Variants in GLIS3 observed in about 807,000 individuals in gnomAD.
The protein encoded by GLIS3 is zinc finger protein GLIS3.
GLIS3 carries 53 observed loss-of-function variants against 78.6 expected under a neutral mutation model. That is an observed-to-expected ratio of 0.67 (90% CI 0.54 to 0.85). The LOEUF (loss-of-function observed/expected upper bound fraction) is 0.85. GLIS3 is among the 40% of genes least tolerant of loss of function. The probability of loss-of-function intolerance (pLI) is 0.00; values close to 1 mark genes in which losing one functional copy is unlikely to be tolerated. For synonymous variants in GLIS3, 684 were observed against 509.9 expected (o/e 1.34, Z -4.60); for missense variants, 1,703 against 1,231.1 (o/e 1.38, Z -5.74).
the GLIS3 span, among the ~76,000 whole-genome samples, chr9:4,436,810 C>CAAAAAAAA: frequency 1.9e-5 from 1 of 53,574 alleles, no homozygotes; most frequent in Admixed American, 2.8e-4. Context: ...GACTGCATCT[C>CAAAAAAAA]AAAAAAAAAA....
At chr9:4,476,023 A>T in the GLIS3 span, among the ~76,000 whole-genome samples, 1 of 152,190 alleles carries the variant, frequency 6.6e-6, no homozygotes. Flanking sequence ...TGCTGGAATT[A>T]CAGATGTGAG....
chr9:4,126,117 G>A (rs1234608757), intron 2 of GLIS3, among the ~76,000 whole-genome samples, 176 bp from the exon 3 acceptor site: 3 of 151,818 alleles, frequency 2.0e-5, no homozygotes. Context: ...AAGCCATAAC[G>A]CTATAATAGA....
At chr9:4,302,496 A>C (rs1817116017), upstream of GLIS3, among the ~76,000 whole-genome samples, 2 of 152,344 alleles carry the variant, frequency 1.3e-5, no homozygotes, top group South Asian at 4.1e-4. Flanking sequence ...ATATTACAGA[A>C]AACTTTTTGC....
At chr9:4,038,651 G>C (rs530500076) in intron 4 of GLIS3, among the ~76,000 whole-genome samples, 1 of 152,204 alleles carries the variant, frequency 6.6e-6, no homozygotes, top group African/African-American at 2.4e-5. Flanking sequence ...CACTGTGCTA[G>C]CATGTTATAA....
chr9:3,918,456 G>C (rs1824662531), intron 6 of GLIS3, among the ~76,000 whole-genome samples: 2 of 152,168 alleles, frequency 1.3e-5, no homozygotes, highest in African/African-American at 2.4e-5. Context: ...AGTTCCCTAA[G>C]CTCAGAATTT....
At chr9:4,090,917 C>A (rs1829443447) in intron 4 of GLIS3, among the ~76,000 whole-genome samples, 1 of 152,182 alleles carries the variant, frequency 6.6e-6, no homozygotes, top group South Asian at 2.1e-4. Flanking sequence ...GTTCTAGAAT[C>A]TGACTGCAAA....
the GLIS3 span, among the ~76,000 whole-genome samples, chr9:4,358,797 G>GTT: frequency 6.6e-6 from 1 of 152,142 alleles, no homozygotes; most frequent in Non-Finnish European, 1.5e-5. Context: ...TAACCTATAT[G>GTT]GTAAGCAGAT....
At chr9:4,243,674 T>A (rs901775762) in intron 2 of GLIS3, among the ~76,000 whole-genome samples, 4 of 152,234 alleles carry the variant, frequency 2.6e-5, no homozygotes, top group Non-Finnish European at 4.4e-5. Context: ...AGAACATCAT[T>A]GTGGATCACT....
chr9:4,180,800 G>C (rs1054284270), intron 2 of GLIS3, among the ~76,000 whole-genome samples: 1 of 152,096 alleles, frequency 6.6e-6, no homozygotes, highest in South Asian at 2.1e-4. Context: ...GAGGAGCGGC[G>C]GTGTAGCAGA....
chr9:4,443,950 AC>A, the GLIS3 span, among the ~76,000 whole-genome samples: 3 of 152,190 alleles, frequency 2.0e-5, no homozygotes, highest in African/African-American at 7.2e-5. Context: ...CCTGGTGTAG[AC>A]AGGTTATATC....
At chr9:4,473,814 A>G in the GLIS3 span, among the ~76,000 whole-genome samples, 1 of 152,322 alleles carries the variant, frequency 6.6e-6, no homozygotes, top group East Asian at 1.9e-4. Context: ...AAAAATTTTT[A>G]AAGATGCTAT....
chr9:4,404,319 C>A, the GLIS3 span, among the ~76,000 whole-genome samples: 2 of 152,270 alleles, frequency 1.3e-5, no homozygotes, highest in Non-Finnish European at 2.9e-5. Flanking sequence ...ATCTGCCAGA[C>A]AGGAAATCAA....
At chr9:4,031,959 T>C (rs957834180) in intron 4 of GLIS3, among the ~76,000 whole-genome samples, 2 of 152,168 alleles carry the variant, frequency 1.3e-5, no homozygotes, top group Non-Finnish European at 2.9e-5. Flanking sequence ...ACCTAGCAGA[T>C]AGCAAGAGTC....
At chr9:4,469,795 T>A in the GLIS3 span, among the ~76,000 whole-genome samples, 8 of 151,980 alleles carry the variant, frequency 5.3e-5, no homozygotes, top group Admixed American at 1.3e-4. Flanking sequence ...CAGAGCAGAA[T>A]TGAAGGAGAT....
In GLIS3 at chr9:4,160,612, C is replaced by T. The variant is rs549153502; in HGVS notation, c.389-34671G>A. Among the ~76,000 whole-genome samples the T allele has an allele frequency of 9.9e-4, 151 of 152,332 alleles. 4 individuals carry two copies. In the South Asian group the frequency reaches 0.029, roughly 29 times the overall value. On this transcript the variant is annotated intron_variant, in intron 2 of 10. Transcript: ENST00000381971. ...TCCACGTTAACCCAAGCTTGTTTGA[C>T]AGTTTTGTCTTATCATGTGATTTTC...
intron 2 of GLIS3, among the ~76,000 whole-genome samples, chr9:4,214,488 A>C (rs1212692778): frequency 6.6e-6 from 1 of 152,202 alleles, no homozygotes; most frequent in East Asian, 1.9e-4. Flanking sequence ...CCTAACTGCC[A>C]GGGCTATGCT....
chr9:3,829,123 G>C (rs1276129610), intron 10 of GLIS3, among the ~76,000 whole-genome samples, 187 bp downstream of exon 10: 1 of 152,064 alleles, frequency 6.6e-6, no homozygotes, highest in Non-Finnish European at 1.5e-5. Context: ...CACCAGGGTG[G>C]TGGAAGAAGA....
the GLIS3 span, among the ~76,000 whole-genome samples, chr9:4,371,526 G>A: frequency 5.9e-5 from 9 of 152,282 alleles, no homozygotes; most frequent in East Asian, 1.7e-3. Flanking sequence ...CAGTTCAGAT[G>A]GTTTTCGCTG....
intron 6 of GLIS3, among the ~76,000 whole-genome samples, chr9:3,929,429 G>A (rs1272514926): frequency 6.6e-6 from 1 of 152,094 alleles, no homozygotes; most frequent in Non-Finnish European, 1.5e-5. Flanking sequence ...GGATCCGACA[G>A]GTGTGGGAAA....
Sources: allele counts gnomAD v4.1 joint callset (sites outside exome capture counted in the v4.1 genomes callset), GRCh38; gene constraint gnomAD v4.1.1; transcripts MANE v1.5; gene names NCBI Gene and HGNC (gene_info 2026-07-23, HGNC 2026-07-21).